CNGB1: variants seen among roughly 807,000 people sequenced by gnomAD.
CNGB1 encodes the protein cyclic nucleotide-gated channel beta-1.
Under a neutral mutation model 151.7 loss-of-function variants are expected in CNGB1, and 126 were observed. The observed-to-expected ratio is 0.83, with a 90% confidence interval of 0.72 to 0.96. CNGB1 has a LOEUF of 0.96. CNGB1 is among the 40% of genes least tolerant of loss of function. The probability of loss-of-function intolerance (pLI) is 0.00; values close to 1 mark genes in which losing one functional copy is unlikely to be tolerated. For missense variants in CNGB1, 1,698 were observed against 1,627.0 expected (o/e 1.04, Z -0.75); for synonymous variants, 623 against 635.1 (o/e 0.98, Z 0.29).
At chr16:57,926,378 C>A (rs1307891734) in intron 17 of CNGB1, among the ~76,000 whole-genome samples, 2 of 152,188 alleles carry the variant, frequency 1.3e-5, no homozygotes, top group African/African-American at 2.4e-5. Flanking sequence ...AAACCTGAGT[C>A]TGCCAGGGTT....
Position 57,933,048 on chromosome 16 carries a change from C to A in CNGB1, c.1373-1170G>T, listed in dbSNP as rs533577976. Among the ~76,000 whole-genome samples the A allele has an allele frequency of 2.6e-3, 390 of 152,288 alleles. 6 individuals carry two copies. Among genetic ancestry groups the A allele is most frequent in the Middle Eastern group, 3.4e-3 (1 of 294 alleles). On this transcript the variant is annotated intron_variant, in intron 16 of 32. Transcript: ENST00000251102. ...CAGACTCAAGTGATCTTCCCGGCAG[C>A]CTCCCGAGTAGCTGGGACCACAGAC...
At chr16:57,912,027 G>A (rs776640439) in intron 24 of CNGB1, 152 bp from the exon 25 acceptor site, 19 of 967,044 alleles carry the variant, frequency 2.0e-5, no homozygotes, top group Non-Finnish European at 2.8e-5. Context: ...CTTGAATGGG[G>A]CGTTGTCATG....
intron 14 of CNGB1, among the ~76,000 whole-genome samples, chr16:57,945,179 C>A (rs1396645560): frequency 3.9e-5 from 6 of 152,140 alleles, no homozygotes; most frequent in African/African-American, 9.7e-5. Flanking sequence ...ACCCCAAGGC[C>A]ACGTGCTTAA....
chr16:57,895,099 G>A (rs1960187001), intron 31 of CNGB1, among the ~76,000 whole-genome samples: 1 of 152,168 alleles, frequency 6.6e-6, no homozygotes, highest in Admixed American at 6.5e-5. Context: ...GTATTGCTCA[G>A]TGTTGGAGAA....
chr16:57,945,684 C>A (rs1961788587), intron 14 of CNGB1, among the ~76,000 whole-genome samples: 1 of 152,184 alleles, frequency 6.6e-6, no homozygotes, highest in African/African-American at 2.4e-5. Flanking sequence ...GCCAAGAATC[C>A]CAGCTCTACG....
chr16:57,887,789 A>G (rs1959971632), intron 32 of CNGB1, 66 bp downstream of exon 32: 2 of 1,468,322 alleles, frequency 1.4e-6, no homozygotes, highest in African/African-American at 2.8e-5. Context: ...ACTCTTGGAG[A>G]CCCCTTGGCC....
At chr16:57,897,259 T>C in intron 31 of CNGB1, 138 bp downstream of exon 31, 1 of 880,794 alleles carries the variant, frequency 1.1e-6, no homozygotes, top group South Asian at 1.6e-5. Flanking sequence ...TCATGATCAC[T>C]CCACTGCACT....
intron 12 of CNGB1, 113 bp downstream of exon 12, chr16:57,957,228 T>G (rs1366324709): frequency 8.0e-6 from 8 of 997,038 alleles, no homozygotes; most frequent in Admixed American, 7.0e-5. Context: ...TGCCCCCCTG[T>G]GTGAGTCCAG....
Position 57,882,707 on chromosome 16 carries a change from C to T in CNGB1, c.*1457G>A, listed in dbSNP as rs551816026. The T allele has an allele frequency of 2.2e-4, 33 of 152,186 alleles. No homozygotes were observed. Among genetic ancestry groups the T allele is most frequent in the African/African-American group, 6.7e-4 (28 of 41,538 alleles). 9.4% of individuals were successfully genotyped at this position (152,186 alleles called of 1,614,324 possible). A position where few individuals can be genotyped will look rare whatever the true frequency, so the allele number is the denominator to read the frequency against. ...ATACTAGATTTTGTTTTTAATCACT[C>T]ACTCCCCCAAGAGCCATTTGGTATG... On this transcript the variant is annotated 3_prime_UTR_variant, in exon 33 of 33. Coordinates refer to ENST00000251102, the MANE Select transcript of CNGB1 (RefSeq NM_001297.5).
intron 17 of CNGB1, 44 bp downstream of exon 17, chr16:57,931,670 GGT>G: frequency 6.2e-7 from 1 of 1,604,402 alleles, no homozygotes; most frequent in East Asian, 2.2e-5. Flanking sequence ...CAAATAAACA[GGT>G]GGCACAGTGC....
intron 2 of CNGB1, 107 bp from the exon 3 acceptor site, chr16:57,964,651 A>C: frequency 2.3e-4 from 231 of 994,414 alleles, no homozygotes; most frequent in East Asian, 5.7e-4. Context: ...AAAAGACCTG[A>C]ACGACTCTTT....
intron 17 of CNGB1, 137 bp downstream of exon 17, chr16:57,931,579 C>G: frequency 2.0e-6 from 2 of 996,340 alleles, no homozygotes; most frequent in Non-Finnish European, 3.1e-6. Flanking sequence ...GAAGGGGCAT[C>G]ATAGTCCCAC....
In CNGB1 at chr16:57,884,377, G is replaced by A. The variant is rs375919369; in HGVS notation, c.3543C>T (p.Thr1181=). 2.7e-5 allele frequency: 44 copies of A among 1,612,066 alleles called. No individual in the cohort carries two copies. The highest frequency in any genetic ancestry group is 3.5e-5 in the Non-Finnish European group (41 of 1,179,414). Residue 1181 remains threonine, a synonymous_variant, in exon 33 of 33, where the codon ACC becomes ACT. Transcript: ENST00000251102. ...GGGGCGTCCGGGGCGCGGGTGGGTC[G>A]GTGGCGGCCTCCTTTGGGTGCGTGT... ...DQHTHPKEAA[T]DPPAPRTPPE... is the part of the protein sequence containing the mutation.
At chr16:57,933,365 G>T (rs1279316914) in intron 16 of CNGB1, among the ~76,000 whole-genome samples, 1 of 152,132 alleles carries the variant, frequency 6.6e-6, no homozygotes, top group African/African-American at 2.4e-5. Flanking sequence ...CATGCCAGGG[G>T]CCCCCAAATT....
chr16:57,955,065 GC>G, intron 12 of CNGB1: 1 of 1,329,890 alleles, frequency 7.5e-7, no homozygotes, highest in Non-Finnish European at 9.7e-7. Context: ...CTTTTCCACA[GC>G]CCTCTGGGGG....
chr16:57,911,739 G>T lies in CNGB1; in HGVS notation c.2492+14C>A. 3 of 1,613,708 alleles carry T rather than the reference G, an allele frequency of 1.9e-6. No homozygotes were observed. The highest frequency in any genetic ancestry group is 2.5e-6 in the Non-Finnish European group (3 of 1,179,766). ...TCACCCAGGCATGGCCCCAGGGGGAGGACTGTGGCTCACCTGTTTCCCACG... is the reference window on the plus strand; with the variant it reads ...TCACCCAGGCATGGCCCCAGGGGGATGACTGTGGCTCACCTGTTTCCCACG... On this transcript the variant is annotated intron_variant, in intron 25 of 32. Transcript: ENST00000251102.
intron 20 of CNGB1, 49 bp from the exon 21 acceptor site, chr16:57,917,525 C>T (rs762936364): frequency 1.9e-6 from 3 of 1,581,848 alleles, no homozygotes; most frequent in African/African-American, 2.7e-5. Flanking sequence ...AGGCAAGGCT[C>T]TTCACCAGTT....
intron 7 of CNGB1, among the ~76,000 whole-genome samples, chr16:57,962,047 G>T (rs1234223353): frequency 6.6e-6 from 1 of 152,150 alleles, no homozygotes; most frequent in African/African-American, 2.4e-5. Flanking sequence ...GGGCCTAAAC[G>T]CCAGCAAGGA....
Position 57,908,970 on chromosome 16 carries a change from G to A in CNGB1, c.2492+2783C>T, listed in dbSNP as rs376593366. Among the ~76,000 whole-genome samples the A allele has an allele frequency of 1.1e-4, 17 of 152,238 alleles. No homozygotes were observed. The East Asian group carries it at 2.1e-3, about 19-fold the overall frequency. ...TTGACAGGGCAGGGGAGCGAGTGTC[G>A]CCTTCAACACCATCCAGCCTTAAAA... On this transcript the variant is annotated intron_variant, in intron 25 of 32. Transcript: ENST00000251102.
Sources: allele counts gnomAD v4.1 joint callset (sites outside exome capture counted in the v4.1 genomes callset), GRCh38; gene constraint gnomAD v4.1.1; transcripts MANE v1.5; gene names NCBI Gene and HGNC (gene_info 2026-07-23, HGNC 2026-07-21).